FARSB: variants seen among roughly 807,000 people sequenced by gnomAD.
FARSB encodes the protein phenylalanyl-tRNA synthetase subunit beta, also known as phenylalanine--tRNA ligase beta subunit.
A neutral mutation model predicts 69.6 loss-of-function variants in FARSB; 40 were observed. That is an observed-to-expected ratio of 0.57 (90% CI 0.45 to 0.75). The LOEUF (loss-of-function observed/expected upper bound fraction) is 0.75, where lower values mean the gene tolerates loss of function less well. Among genes scored for constraint, FARSB ranks in the 30% least tolerant of loss-of-function variants. The probability of loss-of-function intolerance (pLI) is 0.00; values close to 1 mark genes in which losing one functional copy is unlikely to be tolerated. For synonymous variants in FARSB, 235 were observed against 247.2 expected (o/e 0.95, Z 0.46); for missense variants, 632 against 722.9 (o/e 0.87, Z 1.44).
chr2:222,586,769 T>C (rs371883119), intron 16 of FARSB, among the ~76,000 whole-genome samples: 4 of 152,140 alleles, frequency 2.6e-5, no homozygotes, highest in Non-Finnish European at 5.9e-5. Flanking sequence ...AAGGCCATTA[T>C]ATAATGGTAA....
chr2:222,602,467 C>T (rs1359079019), intron 15 of FARSB, among the ~76,000 whole-genome samples: 1 of 151,544 alleles, frequency 6.6e-6, no homozygotes, highest in Non-Finnish European at 1.5e-5. Context: ...GCAATTAAAA[C>T]AGAGTGGCAA....
rs1446213166 is a variant in FARSB at position 222,633,301 on chromosome 2, T to G, written c.613A>C (p.Asn205His). 1 of 1,486,592 alleles carries G rather than the reference T, an allele frequency of 6.7e-7. No individual in the cohort carries two copies. The highest frequency in any genetic ancestry group is 1.4e-5 in the African/African-American group (1 of 70,856). 92.1% of individuals were successfully genotyped at this position (1,486,592 alleles called of 1,614,324 possible). A position where few individuals can be genotyped will look rare whatever the true frequency, so the allele number is the denominator to read the frequency against. ...ATATGTAAATAATGTTTCAGGTGAT[T>G]GTCAGTCTGAAAACAAATTAAGTCA... ...CELMNIYKTD[N>H]HLKHYLHIIE... The change falls in exon 7 of 17, where the codon AAT becomes CAT. Residue 205 changes from asparagine to histidine, a missense_variant. Transcript: ENST00000281828.
At chr2:222,646,329 ATCT>A (rs35666805) in intron 2 of FARSB, among the ~76,000 whole-genome samples, 16,993 of 152,106 alleles carry the variant, frequency 0.11, 1,012 homozygotes, top group Non-Finnish European at 0.12. Flanking sequence ...AGCAGATAAA[ATCT>A]TCTTGGGTTA....
At position 222,614,057 on chromosome 2, in the gene FARSB, A is replaced by T. The variant is rs1574932751; in HGVS notation, c.1345-129T>A. 1.0e-5 allele frequency: 5 copies of T among 489,408 alleles called. No individual in the cohort carries two copies. The East Asian group carries it at 1.5e-4, about 15-fold the overall frequency. The allele number at this position is 489,408 out of a possible 1,614,324, so 30.3% of individuals were successfully genotyped here. A position where few individuals can be genotyped will look rare whatever the true frequency, so the allele number is the denominator to read the frequency against. On this transcript the variant is annotated intron_variant, in intron 14 of 16. Coordinates refer to ENST00000281828, the MANE Select transcript of FARSB (RefSeq NM_005687.5). ...ACACTTCTGGAAAATGCATTGCCCT[A>T]AAATATCCAAGTCACTTTCAATTTT...
At chr2:222,607,070 A>C (rs1690720150) in intron 15 of FARSB, among the ~76,000 whole-genome samples, 1 of 152,216 alleles carries the variant, frequency 6.6e-6, no homozygotes, top group African/African-American at 2.4e-5. Flanking sequence ...TTATATTGCA[A>C]ATTTTATACA....
chr2:222,571,639 C>A lies in FARSB; in HGVS notation c.*232G>T, dbSNP rs3768972. ...GCTAGTGCATTTCTCCAGCACTCCA[C>A]GGGGCTTTTACCCAACAATGCAGCT... On this transcript the variant is annotated 3_prime_UTR_variant, in exon 17 of 17. Coordinates refer to ENST00000281828, the MANE Select transcript of FARSB (RefSeq NM_005687.5). The A allele has an allele frequency of 3.3e-5, 14 of 423,816 alleles. No homozygotes were observed. Among genetic ancestry groups the A allele is most frequent in the Non-Finnish European group, 4.7e-5 (11 of 235,772 alleles). The allele number at this position is 423,816 out of a possible 1,614,324, so 26.3% of individuals were successfully genotyped here.
Position 222,571,980 on chromosome 2 carries a change from CT to C in FARSB, c.1660del (p.Arg554GlyfsTer21). On this transcript the variant is annotated frameshift_variant, in exon 17 of 17. Transcript: ENST00000281828. LOFTEE classifies it high-confidence loss of function. Reference sequence around the variant, plus strand: ...CCCAAGCTTCCCGACGCTTTGACCCCTGGCAAAGATCTCTGCACATCGCCCG... The same window carrying C: ...CCCAAGCTTCCCGACGCTTTGACCCCGGCAAAGATCTCTGCACATCGCCCG... ...FPGRCAEIFA[R>X]GQSVGKLGVL... 6.2e-7 allele frequency: 1 copy of C among 1,613,952 alleles called. No individual in the cohort carries two copies. Among genetic ancestry groups the C allele is most frequent in the Non-Finnish European group, 8.5e-7 (1 of 1,179,948 alleles).
intron 16 of FARSB, among the ~76,000 whole-genome samples, chr2:222,574,734 A>T (rs1199261937): frequency 1.3e-5 from 2 of 152,230 alleles, no homozygotes; most frequent in Non-Finnish European, 1.5e-5. Flanking sequence ...AAAAAATGGC[A>T]AGTTAAAATT....
intron 15 of FARSB, among the ~76,000 whole-genome samples, chr2:222,612,272 T>A (rs1230552623): frequency 6.6e-6 from 1 of 152,240 alleles, no homozygotes. Context: ...AACACGAACT[T>A]TCATTCTCTA....
chr2:222,639,884 A>G (rs74788312), intron 4 of FARSB, among the ~76,000 whole-genome samples, 189 bp from the exon 5 acceptor site: 8,230 of 152,330 alleles, frequency 0.054, 451 homozygotes, highest in African/African-American at 0.14. Flanking sequence ...CACAGAATTT[A>G]TATTTCAGTA....
At chr2:222,595,547 A>T (rs1690388374) in intron 16 of FARSB, among the ~76,000 whole-genome samples, 1 of 152,234 alleles carries the variant, frequency 6.6e-6, no homozygotes, top group Non-Finnish European at 1.5e-5. Context: ...GAGCAGCATG[A>T]AAACTAGAAT....
intron 4 of FARSB, among the ~76,000 whole-genome samples, chr2:222,640,043 C>A (rs561873386): frequency 5.9e-5 from 9 of 152,122 alleles, no homozygotes; most frequent in Non-Finnish European, 1.2e-4. Context: ...GTGTTTTAAA[C>A]ATGCATTGGA....
chr2:222,644,464 C>T (rs1419256107), intron 2 of FARSB: 6 of 433,544 alleles, frequency 1.4e-5, no homozygotes, highest in African/African-American at 6.1e-5. Context: ...AGGAAGAATT[C>T]GAGTTTAAAC....
chr2:222,574,448 C>A (rs956126762), intron 16 of FARSB, among the ~76,000 whole-genome samples: 14 of 152,176 alleles, frequency 9.2e-5, no homozygotes, highest in Admixed American at 9.2e-4. Context: ...CCCATCCAGG[C>A]CACTGCAGCA....
At chr2:222,624,213 T>C (rs1354435060) in intron 12 of FARSB, 59 bp downstream of exon 12, 1 of 1,129,396 alleles carries the variant, frequency 8.9e-7, no homozygotes, top group Non-Finnish European at 1.3e-6. Flanking sequence ...GAAGCCTTCC[T>C]GGCATTAAAT....
chr2:222,638,052 AAGAG>A lies in FARSB; in HGVS notation c.455+1524_455+1527del, dbSNP rs768181129. Among the ~76,000 whole-genome samples the A allele has an allele frequency of 3.3e-5, 5 of 152,332 alleles. No individual in the cohort carries two copies. The East Asian group carries it at 5.8e-4, about 18-fold the overall frequency. ...TAGCCACACTGATCAAAGGAAAAAA[AAGAG>A]AGAAGACAGAGGAATGAAAGAGGTG... On this transcript the variant is annotated intron_variant, in intron 5 of 16. Transcript: ENST00000281828.
intron 16 of FARSB, among the ~76,000 whole-genome samples, chr2:222,595,921 C>CATATATATAT (rs143991245): frequency 5.4e-4 from 80 of 149,258 alleles, no homozygotes; most frequent in Non-Finnish European, 7.3e-4. Flanking sequence ...AAAGAAAAAG[C>CATATATATAT]ATATATATAT....
At chr2:222,587,279 G>C (rs1690141502) in intron 16 of FARSB, among the ~76,000 whole-genome samples, 1 of 152,156 alleles carries the variant, frequency 6.6e-6, no homozygotes, top group African/African-American at 2.4e-5. Context: ...ACGAAATGAA[G>C]TCATTAATAA....
intron 4 of FARSB, among the ~76,000 whole-genome samples, chr2:222,640,601 A>G (rs776441305): frequency 4.6e-5 from 7 of 152,116 alleles, no homozygotes; most frequent in Non-Finnish European, 8.8e-5. Flanking sequence ...TAAAAAATAC[A>G]AAAAACTAGC....
Sources: gnomAD v4.1 joint callset for allele counts (sites outside exome capture counted in the v4.1 genomes callset) on GRCh38, gnomAD v4.1.1 for gene constraint, MANE v1.5 for transcripts, NCBI Gene and HGNC (gene_info 2026-07-23, HGNC 2026-07-21) for gene names.